AGBL4: variants seen among roughly 807,000 people sequenced by gnomAD.
AGBL4 encodes the protein cytosolic carboxypeptidase 6.
AGBL4 carries 58 observed loss-of-function variants against 66.4 expected under a neutral mutation model. That is an observed-to-expected ratio of 0.87 (90% confidence interval 0.71 to 1.09). The LOEUF (loss-of-function observed/expected upper bound fraction) is 1.09. AGBL4 is among the 50% of genes least tolerant of loss of function. The probability of loss-of-function intolerance (pLI) is 0.00; values close to 1 mark genes in which losing one functional copy is unlikely to be tolerated. For synonymous variants in AGBL4, 234 were observed against 222.9 expected, an observed-to-expected ratio of 1.05 and a Z score of -0.44; for missense variants, 579 against 631.0, an observed-to-expected ratio of 0.92 and a Z score of 0.88.
chr1:49,827,019 G>A (rs145164973), intron 2 of AGBL4, among the ~76,000 whole-genome samples: 138 of 152,210 alleles, frequency 9.1e-4, no homozygotes, highest in African/African-American at 3.2e-3. Context: ...CATAATTAAC[G>A]TTAAAGACAA....
intron 3 of AGBL4, among the ~76,000 whole-genome samples, chr1:49,410,315 T>C (rs1225518385): frequency 1.3e-5 from 2 of 152,168 alleles, no homozygotes; most frequent in African/African-American, 4.8e-5. Context: ...AATATGCTCC[T>C]AACTTTCTTC....
chr1:49,046,175 C>T (rs985141332), intron 4 of AGBL4, among the ~76,000 whole-genome samples: 1 of 152,052 alleles, frequency 6.6e-6, no homozygotes, highest in Non-Finnish European at 1.5e-5. Context: ...AGTGGGGAAG[C>T]GGTCAGTAAA....
chr1:48,585,452 G>A (rs895095193), intron 11 of AGBL4: 6 of 152,212 alleles, frequency 3.9e-5, no homozygotes, highest in African/African-American at 1.2e-4. Flanking sequence ...AGCAGATTCT[G>A]GAGAAGGCAT....
intron 3 of AGBL4, among the ~76,000 whole-genome samples, chr1:49,287,602 C>T (rs1252643881): frequency 6.6e-6 from 1 of 152,158 alleles, no homozygotes; most frequent in Non-Finnish European, 1.5e-5. Flanking sequence ...AGCCAAAAAA[C>T]ACATGAAGAA....
chr1:48,601,392 C>T (rs1371387254), intron 9 of AGBL4, among the ~76,000 whole-genome samples: 10 of 152,186 alleles, frequency 6.6e-5, no homozygotes, highest in Admixed American at 2.6e-4. Context: ...CACAATGACA[C>T]TATGTGTAGG....
At chr1:48,981,880 C>T (rs1004988095) in intron 5 of AGBL4, among the ~76,000 whole-genome samples, 4 of 152,182 alleles carry the variant, frequency 2.6e-5, no homozygotes, top group African/African-American at 7.2e-5. Context: ...TGGACAAGAG[C>T]GAAACTCCGT....
intron 2 of AGBL4, among the ~76,000 whole-genome samples, chr1:49,821,435 A>G (rs146351492): frequency 6.6e-6 from 1 of 152,342 alleles, no homozygotes; most frequent in Non-Finnish European, 1.5e-5. Flanking sequence ...GAAAATGCAA[A>G]GTCACCAATA....
intron 6 of AGBL4, among the ~76,000 whole-genome samples, chr1:48,792,697 T>C (rs1459229547): frequency 1.3e-5 from 2 of 152,182 alleles, no homozygotes; most frequent in Non-Finnish European, 2.9e-5. Context: ...GCTTAGCAGG[T>C]GTGGGAAAGA....
chr1:49,689,646 G>A (rs1007674199), intron 3 of AGBL4, among the ~76,000 whole-genome samples: 7 of 152,078 alleles, frequency 4.6e-5, no homozygotes, highest in Middle Eastern at 3.4e-3. Flanking sequence ...TTCAATCTAC[G>A]GACTGCTTTG....
chr1:49,024,636 C>G (rs1663502107), intron 5 of AGBL4, among the ~76,000 whole-genome samples: 1 of 152,110 alleles, frequency 6.6e-6, no homozygotes, highest in Non-Finnish European at 1.5e-5. Context: ...AATAAATAAC[C>G]TATTATCATG....
rs375888872 is a variant in AGBL4 at position 48,634,602 on chromosome 1, C to T, written c.842G>A (p.Cys281Tyr). The T allele has an allele frequency of 5.8e-5, 92 of 1,592,830 alleles. No individual in the cohort carries two copies. Among genetic ancestry groups the T allele is most frequent in the Non-Finnish European group, 7.8e-5 (91 of 1,168,814 alleles). Residue 281 changes from cysteine (C) to tyrosine (Y), a missense_variant and splice_region_variant, in exon 9 of 14, where the codon TGT becomes TAT. Cys to Tyr is a radical substitution (Grantham distance 194). Transcript: ENST00000371839. Reference sequence around the variant, plus strand: ...ATTCAGATCAAATCCCATCAGAGAACACCTAGGCAGTACCCAAAGTAAGAG... The same window carrying T: ...ATTCAGATCAAATCCCATCAGAGAATACCTAGGCAGTACCCAAAGTAAGAG... ...PDGVYLGNYR[C>Y]SLMGFDLNRH...
At chr1:49,104,675 G>A (rs1330455416) in intron 4 of AGBL4, among the ~76,000 whole-genome samples, 2 of 152,020 alleles carry the variant, frequency 1.3e-5, no homozygotes, top group Non-Finnish European at 1.5e-5. Context: ...TGCCTCTCAT[G>A]CACTCAGCCC....
chr1:49,832,021 C>T (rs992695762), intron 2 of AGBL4, among the ~76,000 whole-genome samples: 1 of 150,594 alleles, frequency 6.6e-6, no homozygotes, highest in Non-Finnish European at 1.5e-5. Context: ...TATACTTTAA[C>T]TTTTAGGGTA....
chr1:49,897,112 G>T (rs1649301577), intron 1 of AGBL4, among the ~76,000 whole-genome samples: 1 of 151,944 alleles, frequency 6.6e-6, no homozygotes, highest in Admixed American at 6.6e-5. Flanking sequence ...CCTAACTAGA[G>T]AAATCAAATA....
At chr1:49,234,373 T>C (rs1650553565) in intron 4 of AGBL4, among the ~76,000 whole-genome samples, 1 of 152,090 alleles carries the variant, frequency 6.6e-6, no homozygotes, top group Non-Finnish European at 1.5e-5. Flanking sequence ...TGAAACTTTC[T>C]AAAAAGAAAT....
chr1:49,675,006 A>C (rs192393721), intron 3 of AGBL4, among the ~76,000 whole-genome samples: 72 of 152,298 alleles, frequency 4.7e-4, no homozygotes, highest in African/African-American at 1.5e-3. Flanking sequence ...CTTAAGCAAT[A>C]GGTACTGTCT....
intron 4 of AGBL4, among the ~76,000 whole-genome samples, chr1:49,061,542 T>C (rs1571350646): frequency 6.6e-6 from 1 of 152,114 alleles, no homozygotes; most frequent in Admixed American, 6.5e-5. Context: ...GAATGTCTAA[T>C]ACAGAGAAAG....
At chr1:49,206,867 AGAG>A in intron 4 of AGBL4, among the ~76,000 whole-genome samples, 1 of 14,412 alleles carries the variant, frequency 6.9e-5, no homozygotes, top group Non-Finnish European at 3.0e-4. Flanking sequence ...GATGGAGAGG[AGAG>A]GAGAGGAGAG....
chr1:49,560,915 T>C (rs897306250), intron 3 of AGBL4, among the ~76,000 whole-genome samples: 3 of 151,970 alleles, frequency 2.0e-5, no homozygotes, highest in Admixed American at 6.6e-5. Flanking sequence ...AAACAAAAGC[T>C]GAGGGATTTC....
Sources: allele counts gnomAD v4.1 joint callset (sites outside exome capture counted in the v4.1 genomes callset), GRCh38; gene constraint gnomAD v4.1.1; transcripts MANE v1.5; gene names NCBI Gene and HGNC (gene_info 2026-07-23, HGNC 2026-07-21).